The following GALNT13 variants were observed in gnomAD, a reference collection of about 807,000 sequenced individuals.
The protein encoded by GALNT13 is UDP-GalNAc:polypeptide N-acetylgalactosaminyltransferase 13.
In GALNT13, 28 loss-of-function variants were observed where a neutral mutation model predicts 64.2. The ratio of observed to expected loss-of-function variants is 0.44; its 90% CI spans 0.32 to 0.60. GALNT13 has a LOEUF of 0.60. Among genes scored for constraint, GALNT13 ranks in the 20% least tolerant of loss-of-function variants. The pLI, the probability that GALNT13 is intolerant of heterozygous loss-of-function variation, is 0.05. For synonymous variants in GALNT13, 214 were observed against 224.6 expected (o/e 0.95, Z 0.42); for missense variants, 577 against 669.8 (o/e 0.86, Z 1.53).
intron 3 of GALNT13, among the ~76,000 whole-genome samples, chr2:153,956,623 T>C (rs554848592): frequency 6.6e-6 from 1 of 152,258 alleles, no homozygotes; most frequent in East Asian, 1.9e-4. Flanking sequence ...TAATAATAAA[T>C]CTTCTATTCA....
intron 3 of GALNT13, among the ~76,000 whole-genome samples, chr2:153,950,125 C>G (rs1403293837): frequency 6.6e-6 from 1 of 151,612 alleles, no homozygotes; most frequent in Non-Finnish European, 1.5e-5. Flanking sequence ...TTCAAATGTA[C>G]CTTAAAGAAG....
At chr2:154,434,027 G>A (rs1275356211) in intron 11 of GALNT13, among the ~76,000 whole-genome samples, 1 of 152,286 alleles carries the variant, frequency 6.6e-6, no homozygotes, top group Admixed American at 6.5e-5. Flanking sequence ...AAACAGAGAA[G>A]GAAGACCGTG....
chr2:153,270,647 G>A, the GALNT13 span, among the ~76,000 whole-genome samples: 3 of 152,076 alleles, frequency 2.0e-5, no homozygotes, highest in Non-Finnish European at 4.4e-5. Flanking sequence ...GATTGCTTGA[G>A]CCCAGGAGTT....
chr2:153,439,264 T>C, the GALNT13 span, among the ~76,000 whole-genome samples: 1 of 152,150 alleles, frequency 6.6e-6, no homozygotes, highest in Non-Finnish European at 1.5e-5. Flanking sequence ...TCCTCAGGTG[T>C]CAGGGACCCA....
At chr2:153,092,190 C>T in the GALNT13 span, among the ~76,000 whole-genome samples, 2 of 151,962 alleles carry the variant, frequency 1.3e-5, no homozygotes, top group African/African-American at 2.4e-5. Context: ...CTATTCTGTT[C>T]CTTTGGTTAT....
chr2:153,544,485 A>G, the GALNT13 span, among the ~76,000 whole-genome samples: 1 of 152,214 alleles, frequency 6.6e-6, no homozygotes. Context: ...AATTACTTGA[A>G]TACTTGAACA....
At chr2:154,002,580 T>C (rs988411919) in intron 3 of GALNT13, among the ~76,000 whole-genome samples, 2 of 152,190 alleles carry the variant, frequency 1.3e-5, no homozygotes, top group Admixed American at 6.5e-5. Flanking sequence ...TTCTTGTGAT[T>C]CTCTGCATTT....
At chr2:153,395,730 GAA>G in the GALNT13 span, among the ~76,000 whole-genome samples, 36 of 152,222 alleles carry the variant, frequency 2.4e-4, 2 homozygotes, top group East Asian at 6.8e-3. Context: ...TCGCATTTCA[GAA>G]AAGGATCAGG....
the GALNT13 span, among the ~76,000 whole-genome samples, chr2:153,679,561 A>G: frequency 6.6e-6 from 1 of 152,000 alleles, no homozygotes; most frequent in South Asian, 2.1e-4. Flanking sequence ...AATCTGTCCA[A>G]TTATAGTCCT....
In GALNT13 at chr2:153,944,576, T is replaced by C; in HGVS notation, c.79T>C (p.Tyr27His). ...TCTTGTTGATGTCTTCTTACTGCTGTACTTCAGTGAATGTAACAAATGTGA... is the reference window on the plus strand; with the variant it reads ...TCTTGTTGATGTCTTCTTACTGCTGCACTTCAGTGAATGTAACAAATGTGA... ...WVLVDVFLLL[Y>H]FSECNKCDDK... is the part of the protein sequence containing the mutation. The change falls in exon 3 of 13, where the codon TAC (tyrosine) becomes CAC (histidine). Residue 27 changes from tyrosine (Y) to histidine (H), a missense_variant. Around this residue, in one of 3 missense-constraint regions of GALNT13, gnomAD observed 341 missense variants for 379.3 expected, o/e 0.90. Transcript: ENST00000392825. The C allele has an allele frequency of 6.2e-7, 1 of 1,613,648 alleles. No homozygotes were observed.
chr2:153,187,049 G>T, the GALNT13 span, among the ~76,000 whole-genome samples: 2 of 152,150 alleles, frequency 1.3e-5, no homozygotes, highest in Non-Finnish European at 2.9e-5. Context: ...AAATATGAAT[G>T]ATGCTACATC....
intron 4 of GALNT13, among the ~76,000 whole-genome samples, chr2:154,220,292 G>C (rs1464906290): frequency 1.3e-5 from 2 of 152,044 alleles, no homozygotes; most frequent in Non-Finnish European, 2.9e-5. Context: ...AAAGCTTAAA[G>C]TCATTTGTAG....
At chr2:154,046,799 A>AC (rs1405006873) in intron 3 of GALNT13, among the ~76,000 whole-genome samples, 1 of 152,166 alleles carries the variant, frequency 6.6e-6, no homozygotes, top group African/African-American at 2.4e-5. Context: ...ATCTGAGGAT[A>AC]CAGGAAGAAG....
the GALNT13 span, among the ~76,000 whole-genome samples, chr2:153,785,009 C>T: frequency 6.6e-6 from 1 of 152,160 alleles, no homozygotes; most frequent in Admixed American, 6.5e-5. Context: ...TCACTAGGTG[C>T]AGTCTCCAGA....
chr2:154,341,668 A>AG (rs1202978843), intron 9 of GALNT13, among the ~76,000 whole-genome samples: 4 of 152,082 alleles, frequency 2.6e-5, no homozygotes, highest in Non-Finnish European at 5.9e-5. Context: ...AGGGCTTTGT[A>AG]GGACACAGCA....
chr2:154,109,039 C>A (rs1702784743), intron 3 of GALNT13, among the ~76,000 whole-genome samples: 1 of 151,782 alleles, frequency 6.6e-6, no homozygotes, highest in Admixed American at 6.6e-5. Context: ...TATTGGTTTC[C>A]TATGTAAATT....
intron 2 of GALNT13, among the ~76,000 whole-genome samples, chr2:153,938,968 A>G (rs1691143562): frequency 6.6e-6 from 1 of 152,130 alleles, no homozygotes; most frequent in East Asian, 1.9e-4. Flanking sequence ...AAATTTAAAT[A>G]TATTGGAGTG....
At chr2:153,280,184 T>C in the GALNT13 span, among the ~76,000 whole-genome samples, 1 of 152,150 alleles carries the variant, frequency 6.6e-6, no homozygotes, top group Non-Finnish European at 1.5e-5. Flanking sequence ...TCTGAGGATC[T>C]TTTGTATTTC....
intron 9 of GALNT13, among the ~76,000 whole-genome samples, chr2:154,325,862 C>T (rs1387427923): frequency 6.6e-6 from 1 of 152,076 alleles, no homozygotes; most frequent in Non-Finnish European, 1.5e-5. Flanking sequence ...GTGAGGGTAA[C>T]TCATTCACTA....
Sources: gnomAD v4.1 joint callset for allele counts (sites outside exome capture counted in the v4.1 genomes callset) on GRCh38, gnomAD v4.1.1 for gene constraint, gnomAD v4.1.1 regional missense constraint, MANE v1.5 for transcripts, NCBI Gene and HGNC (gene_info 2026-07-23, HGNC 2026-07-21) for gene names.